Variants in ZHX2 observed in about 807,000 individuals in gnomAD.
The protein encoded by ZHX2 is zinc fingers and homeoboxes protein 2.
A neutral mutation model predicts 21.9 loss-of-function variants in ZHX2; 6 were observed. That is an observed-to-expected ratio of 0.27 (90% CI 0.15 to 0.54). The LOEUF is 0.54. ZHX2 is among the 20% of genes least tolerant of loss of function. The probability of loss-of-function intolerance (pLI) is 0.95; values close to 1 mark genes in which losing one functional copy is unlikely to be tolerated. For synonymous variants in ZHX2, 434 were observed against 437.1 expected (o/e 0.99, Z 0.09); for missense variants, 908 against 1,090.7 (o/e 0.83, Z 2.36).
chr8:122,826,370 C>G (rs1818266409), intron 1 of ZHX2, among the ~76,000 whole-genome samples: 1 of 152,150 alleles, frequency 6.6e-6, no homozygotes, highest in African/African-American at 2.4e-5. Flanking sequence ...GACACTGTAC[C>G]AGGCGGGGGC....
intron 1 of ZHX2, among the ~76,000 whole-genome samples, chr8:122,792,771 A>C (rs554635564): frequency 6.6e-6 from 1 of 152,278 alleles, no homozygotes; most frequent in South Asian, 2.1e-4. Flanking sequence ...GACTAGAGGA[A>C]AGCAAATGAG....
rs1813131654 is a variant in ZHX2 at position 122,952,060 on chromosome 8, A to G, written c.550A>G (p.Thr184Ala). The stretch of plus-strand genomic sequence containing the variant: ...TGATTCTGGGATCTCGGTGAGTAAA[A>G]CCCCCATCATGAAGCCTGGAAAACC... The part of the protein sequence containing the change: ...DSDSGISVSK[T>A]PIMKPGKPKA... The change falls in exon 3 of 4, where the codon ACC (threonine) becomes GCC (alanine). Residue 184 changes from threonine to alanine, a missense_variant. Coordinates refer to ENST00000314393, the MANE Select transcript of ZHX2 (RefSeq NM_014943.5). The surrounding 1 kb of genome is among the most constrained non-coding windows in gnomAD (Gnocchi z 6.9). 1 of 1,612,018 alleles carries G rather than the reference A, an allele frequency of 6.2e-7. No homozygotes were observed. Among genetic ancestry groups the G allele is most frequent in the Admixed American group, 1.7e-5 (1 of 59,876 alleles).
intron 2 of ZHX2, among the ~76,000 whole-genome samples, chr8:122,946,345 G>A (rs975280734): frequency 6.6e-6 from 1 of 152,022 alleles, no homozygotes; most frequent in Admixed American, 6.6e-5. Context: ...ATTTCTTGCA[G>A]ATCCACCAAG....
intron 1 of ZHX2, among the ~76,000 whole-genome samples, chr8:122,847,543 T>A (rs1818780638): frequency 6.6e-6 from 1 of 152,126 alleles, no homozygotes; most frequent in South Asian, 2.1e-4. Context: ...TCACTCTCCA[T>A]CCCTATGTGC....
intron 1 of ZHX2, among the ~76,000 whole-genome samples, chr8:122,797,690 C>A (rs889614559): frequency 8.4e-4 from 128 of 152,296 alleles, no homozygotes; most frequent in African/African-American, 2.8e-3. Flanking sequence ...GAGGAGCAGT[C>A]CTGGACTCTG....
intron 2 of ZHX2, among the ~76,000 whole-genome samples, chr8:122,946,286 C>A (rs919014505): frequency 6.6e-6 from 1 of 152,040 alleles, no homozygotes; most frequent in African/African-American, 2.4e-5. Context: ...ATGCTACTAT[C>A]CTTTAGACAC....
chr8:122,817,449 C>T (rs986659920), intron 1 of ZHX2, among the ~76,000 whole-genome samples: 4 of 152,170 alleles, frequency 2.6e-5, no homozygotes, highest in Non-Finnish European at 5.9e-5. Context: ...AGGCTGCAAC[C>T]AGATGTTATG....
At chr8:122,875,175 ATATATATATATATATATATC>A (rs1819541459) in intron 2 of ZHX2, among the ~76,000 whole-genome samples, 1 of 26,706 alleles carries the variant, frequency 3.7e-5, no homozygotes, top group African/African-American at 1.2e-4. Flanking sequence ...ATATATATAT[ATATATATATATATATATATC>A]CTTTTACTTT....
rs145941006 is a variant in ZHX2 at position 122,914,841 on chromosome 8, C to T, written c.-219-36451C>T. On this transcript the variant is annotated intron_variant, in intron 2 of 3. Coordinates refer to ENST00000314393, the MANE Select transcript of ZHX2 (RefSeq NM_014943.5). ...GAGTCGTTCCTAGAGGTTTAAACTGCTTGGGGTGGCATGTCTCACTCTTTA... is the reference window on the plus strand; with the variant it reads ...GAGTCGTTCCTAGAGGTTTAAACTGTTTGGGGTGGCATGTCTCACTCTTTA... Among the ~76,000 whole-genome samples the T allele has an allele frequency of 2.6e-3, 400 of 152,266 alleles. 3 individuals carry two copies. Among genetic ancestry groups the T allele is most frequent in the African/African-American group, 9.1e-3 (377 of 41,530 alleles).
intron 2 of ZHX2, among the ~76,000 whole-genome samples, chr8:122,878,291 A>G (rs1053519122): frequency 1.3e-5 from 2 of 152,236 alleles, no homozygotes; most frequent in African/African-American, 4.8e-5. Flanking sequence ...CACAAACCTC[A>G]GTGGTGAACA....
intron 1 of ZHX2, among the ~76,000 whole-genome samples, chr8:122,834,865 G>C (rs1818460928): frequency 6.6e-6 from 1 of 152,188 alleles, no homozygotes; most frequent in Admixed American, 6.5e-5. Context: ...CACCCTTTTT[G>C]AGTCCTGCAA....
chr8:122,905,863 T>C (rs1310927219), intron 2 of ZHX2, among the ~76,000 whole-genome samples: 1 of 152,234 alleles, frequency 6.6e-6, no homozygotes, highest in East Asian at 1.9e-4. Flanking sequence ...GCTTTTGCAC[T>C]AACCTAATAG....
intron 2 of ZHX2, among the ~76,000 whole-genome samples, chr8:122,874,145 T>C (rs1231064541): frequency 6.6e-6 from 1 of 152,112 alleles, no homozygotes; most frequent in Admixed American, 6.5e-5. Flanking sequence ...CTGTGAACCA[T>C]GCGTTGAGAT....
intron 2 of ZHX2, among the ~76,000 whole-genome samples, chr8:122,887,091 GT>G (rs1819861481): frequency 7.5e-6 from 1 of 132,782 alleles, no homozygotes; most frequent in East Asian, 2.2e-4. Context: ...GTGTGTGTGT[GT>G]GTACATGAGT....
chr8:122,818,553 G>T (rs545146020), intron 1 of ZHX2, among the ~76,000 whole-genome samples: 6 of 152,230 alleles, frequency 3.9e-5, no homozygotes, highest in South Asian at 2.1e-4. Flanking sequence ...TTGAGGGGTG[G>T]CCATGAGGCC....
At position 122,953,725 on chromosome 8, in the gene ZHX2, G is replaced by A. The variant is rs376664586; in HGVS notation, c.2215G>A (p.Glu739Lys). ...TTACAAGGACCCCAAAAAGCTCTGC[G>A]AAGAGGACTTGGAGAAGTTGGTGAC... The part of the protein sequence containing the change: ...QYYKDPKKLC[E>K]EDLEKLVTRV... Residue 739 changes from glutamate (E) to lysine (K), a missense_variant, in exon 3 of 4, where the codon GAA becomes AAA. Physicochemically the swap from Glu to Lys is moderately conservative, Grantham distance 56 (BLOSUM62 1). Coordinates refer to ENST00000314393, the MANE Select transcript of ZHX2 (RefSeq NM_014943.5). The surrounding 1 kb of genome is among the most constrained non-coding windows in gnomAD (Gnocchi z 4.6). The A allele has an allele frequency of 7.4e-6, 12 of 1,614,134 alleles. No homozygotes were observed. Among genetic ancestry groups the A allele is most frequent in the East Asian group, 4.5e-5 (2 of 44,900 alleles).
intron 2 of ZHX2, 32 bp from the exon 3 acceptor site, chr8:122,951,260 G>C: frequency 4.2e-6 from 2 of 481,352 alleles, no homozygotes; most frequent in Non-Finnish European, 7.4e-6. Flanking sequence ...GTTGTGAAGA[G>C]ACACTGACCC....
At chr8:122,789,736 G>C (rs1399115015) in intron 1 of ZHX2, among the ~76,000 whole-genome samples, 1 of 152,194 alleles carries the variant, frequency 6.6e-6, no homozygotes, top group Non-Finnish European at 1.5e-5. Flanking sequence ...GGAAAAGATG[G>C]GTTCCAGGCA....
intron 2 of ZHX2, among the ~76,000 whole-genome samples, chr8:122,883,822 G>T (rs1192119956): frequency 6.6e-6 from 1 of 152,348 alleles, no homozygotes. Flanking sequence ...GATGAAAGTT[G>T]TAACACCAGG....
Sources: gnomAD v4.1 joint callset for allele counts (sites outside exome capture counted in the v4.1 genomes callset) on GRCh38, gnomAD v4.1.1 for gene constraint, Gnocchi (gnomAD v3.1) non-coding constraint, MANE v1.5 for transcripts, NCBI Gene and HGNC (gene_info 2026-07-23, HGNC 2026-07-21) for gene names.